The following JMY variants were observed in gnomAD, a reference collection of about 807,000 sequenced individuals.
JMY encodes the protein junction-mediating and -regulatory protein.
In JMY, 46 loss-of-function variants were observed where a neutral mutation model predicts 103.3. The ratio of observed to expected loss-of-function variants is 0.45; its 90% CI spans 0.35 to 0.57. The LOEUF (loss-of-function observed/expected upper bound fraction) is 0.57, where lower values mean the gene tolerates loss of function less well. Ranked by LOEUF, JMY falls within the 20% of genes least tolerant of loss-of-function variation. The probability of loss-of-function intolerance (pLI) is 0.00; values close to 1 mark genes in which losing one functional copy is unlikely to be tolerated. For synonymous variants in JMY, 526 were observed against 489.3 expected, an observed-to-expected ratio of 1.07 and a Z score of -0.99; for missense variants, 1,238 against 1,255.2, an observed-to-expected ratio of 0.99 and a Z score of 0.21.
chr5:79,244,948 T>C lies in JMY; in HGVS notation c.1032+7266T>C, dbSNP rs75025345. 6.3e-3 allele frequency among the ~76,000 whole-genome samples: 952 copies of C among 152,024 alleles called. 21 individuals are homozygous for C. In the East Asian group the frequency reaches 0.082, roughly 13 times the overall value. Reference sequence around the variant, plus strand: ...AGCATATCTAAGTTATTAAACTGCATAGGGGCAGAGAAGAATTTATCCAGC... The same window carrying C: ...AGCATATCTAAGTTATTAAACTGCACAGGGGCAGAGAAGAATTTATCCAGC... On this transcript the variant is annotated intron_variant, in intron 1 of 10. Coordinates refer to ENST00000396137, the MANE Select transcript of JMY (RefSeq NM_152405.5).
intron 4 of JMY, 74 bp downstream of exon 4, chr5:79,291,373 T>C: frequency 1.5e-6 from 2 of 1,342,662 alleles, no homozygotes; most frequent in South Asian, 3.1e-5. Flanking sequence ...ACAAGACATT[T>C]TTTTGATTCG....
At chr5:79,317,542 T>C (rs1477193952) in intron 10 of JMY, among the ~76,000 whole-genome samples, 1 of 152,162 alleles carries the variant, frequency 6.6e-6, no homozygotes, top group Non-Finnish European at 1.5e-5. Context: ...ATTTATAGAG[T>C]ATACAAACAT....
chr5:79,245,784 C>A (rs1335158713), intron 1 of JMY, among the ~76,000 whole-genome samples: 4 of 152,072 alleles, frequency 2.6e-5, no homozygotes, highest in Non-Finnish European at 4.4e-5. Flanking sequence ...TGCCACCATA[C>A]CCAGCTAATT....
chr5:79,272,237 T>G (rs1745807509), intron 1 of JMY, among the ~76,000 whole-genome samples: 1 of 152,180 alleles, frequency 6.6e-6, no homozygotes, highest in South Asian at 2.1e-4. Flanking sequence ...TGCTTTCAAC[T>G]TATTTGTGTC....
At chr5:79,301,694 G>A (rs933299845) in intron 6 of JMY, among the ~76,000 whole-genome samples, 4 of 152,158 alleles carry the variant, frequency 2.6e-5, no homozygotes, top group African/African-American at 4.8e-5. Flanking sequence ...ACATAATTAT[G>A]TGCCTTTGCT....
At chr5:79,242,191 G>C (rs1486011851) in intron 1 of JMY, among the ~76,000 whole-genome samples, 3 of 152,114 alleles carry the variant, frequency 2.0e-5, no homozygotes, top group Non-Finnish European at 2.9e-5. Flanking sequence ...AAAATTATCC[G>C]TGTAAGCCAC....
rs1464891998 is a variant in JMY at position 79,324,828 on chromosome 5, A to C, written c.*3226A>C. 1 of 152,666 alleles carries C rather than the reference A, an allele frequency of 6.6e-6. No individual in the cohort carries two copies. The highest frequency in any genetic ancestry group is 1.5e-5 in the Non-Finnish European group (1 of 68,038). The allele number at this position is 152,666 out of a possible 1,614,324, so 9.5% of individuals were successfully genotyped here. On this transcript the variant is annotated 3_prime_UTR_variant, in exon 11 of 11. Coordinates refer to ENST00000396137, the MANE Select transcript of JMY (RefSeq NM_152405.5). ...CCTAGACACAGCTGTAATAGTGGGAATAGAAATGTAGAGCTTTTCTCATAA... is the reference window on the plus strand; with the variant it reads ...CCTAGACACAGCTGTAATAGTGGGACTAGAAATGTAGAGCTTTTCTCATAA...
chr5:79,247,893 T>G (rs7733997), intron 1 of JMY, among the ~76,000 whole-genome samples: 52,337 of 150,556 alleles, frequency 0.35, 9,555 homozygotes, highest in South Asian at 0.53. Flanking sequence ...TATATTTTAT[T>G]TTATTTTATT....
At chr5:79,268,767 C>T (rs554754593) in intron 1 of JMY, among the ~76,000 whole-genome samples, 4 of 152,170 alleles carry the variant, frequency 2.6e-5, no homozygotes, top group East Asian at 1.9e-4. Flanking sequence ...GGATTACAGG[C>T]GTGAGCCACC....
chr5:79,272,037 G>A (rs1009368003), intron 1 of JMY, among the ~76,000 whole-genome samples: 17 of 151,766 alleles, frequency 1.1e-4, no homozygotes, highest in East Asian at 1.9e-4. Flanking sequence ...GCTTGAACCC[G>A]GGAGGTGGAG....
rs1322058434 is a variant in JMY at position 79,323,395 on chromosome 5, T to TAATA, written c.*1794_*1797dup. 6.6e-6 allele frequency: 1 copy of TAATA among 152,228 alleles called. No homozygotes were observed. The highest frequency in any genetic ancestry group is 1.5e-5 in the Non-Finnish European group (1 of 68,026). 9.4% of individuals were successfully genotyped at this position (152,228 alleles called of 1,614,324 possible). On this transcript the variant is annotated 3_prime_UTR_variant, in exon 11 of 11. Transcript: ENST00000396137. ...TCTGGGAAGATTAGAAATACAGATG[T>TAATA]AATATGGAAGCTTCAACAGCATGGG...
intron 4 of JMY, among the ~76,000 whole-genome samples, chr5:79,294,518 C>A (rs1179795411): frequency 6.6e-6 from 1 of 152,070 alleles, no homozygotes; most frequent in Non-Finnish European, 1.5e-5. Flanking sequence ...CGGGATTAAC[C>A]AGAAAACCCT....
chr5:79,310,249 TGGGG>T (rs1401635706), intron 7 of JMY, among the ~76,000 whole-genome samples: 1 of 151,614 alleles, frequency 6.6e-6, no homozygotes, highest in Non-Finnish European at 1.5e-5. Flanking sequence ...TTTTAGTAGA[TGGGG>T]TTTCACCATG....
chr5:79,236,601 G>C lies in JMY; in HGVS notation c.-50G>C, dbSNP rs1402692055. 2 of 1,319,388 alleles carry C rather than the reference G, an allele frequency of 1.5e-6. No homozygotes were observed. The highest frequency in any genetic ancestry group is 9.8e-7 in the Non-Finnish European group (1 of 1,022,870). The allele number at this position is 1,319,388 out of a possible 1,614,324, so 81.7% of individuals were successfully genotyped here. On this transcript the variant is annotated 5_prime_UTR_variant, in exon 1 of 11. Transcript: ENST00000396137. ...GCGGCGCAGCCAGCGGGGAGTCCTC[G>C]GGCGGGCCGGGCCGGCGGCCCTTCC...
Position 79,290,164 on chromosome 5 carries a change from G to T in JMY, c.1250G>T (p.Ser417Ile). The T allele has an allele frequency of 6.3e-7, 1 of 1,595,988 alleles. No individual in the cohort carries two copies. The change falls in exon 3 of 11, where the codon AGT becomes ATT. Residue 417 changes from serine to isoleucine, a missense_variant. Physicochemically the swap from Ser to Ile is moderately radical, Grantham distance 142 (BLOSUM62 -2). Transcript: ENST00000396137. ...TATCTGGGACCTCGAAGAATTGAGAGTCTACAAAAAGAAGATGCTGATTGG... is the reference window on the plus strand; with the variant it reads ...TATCTGGGACCTCGAAGAATTGAGATTCTACAAAAAGAAGATGCTGATTGG... ...NDYLGPRRIE[S>I]LQKEDADWQR...
intron 1 of JMY, among the ~76,000 whole-genome samples, chr5:79,266,018 G>A (rs1440243168): frequency 6.6e-6 from 1 of 152,116 alleles, no homozygotes; most frequent in African/African-American, 2.4e-5. Context: ...CTGACCTCAG[G>A]TGATCCACCC....
intron 10 of JMY, among the ~76,000 whole-genome samples, chr5:79,320,341 GTCTTTT>G (rs1561319352): frequency 2.7e-5 from 4 of 150,246 alleles, no homozygotes; most frequent in African/African-American, 2.4e-5. Context: ...TCCTGTGAGA[GTCTTTT>G]TTTTTTTTTT....
intron 1 of JMY, among the ~76,000 whole-genome samples, chr5:79,267,975 G>A (rs1745632816): frequency 6.6e-6 from 1 of 152,216 alleles, no homozygotes; most frequent in South Asian, 2.1e-4. Context: ...GCTGGACATA[G>A]TGGCCCATGC....
At chr5:79,267,162 A>G (rs1433417596) in intron 1 of JMY, among the ~76,000 whole-genome samples, 1 of 152,220 alleles carries the variant, frequency 6.6e-6, no homozygotes, top group African/African-American at 2.4e-5. Flanking sequence ...ATGAACCAGT[A>G]TCCATAGATT....
Sources: allele counts gnomAD v4.1 joint callset (sites outside exome capture counted in the v4.1 genomes callset), GRCh38; gene constraint gnomAD v4.1.1; transcripts MANE v1.5; gene names NCBI Gene and HGNC (gene_info 2026-07-23, HGNC 2026-07-21).